Variants in RNF217 observed in about 807,000 individuals in gnomAD.
RNF217 encodes the protein E3 ubiquitin-protein ligase RNF217.
In RNF217, 31 loss-of-function variants were observed where a neutral mutation model predicts 57.8. The ratio of observed to expected loss-of-function variants is 0.54; its 90% CI spans 0.40 to 0.72. The LOEUF is 0.72. Ranked by LOEUF, RNF217 falls within the 30% of genes least tolerant of loss-of-function variation. The pLI, the probability that RNF217 is intolerant of heterozygous loss-of-function variation, is 0.00. For missense variants in RNF217, 696 were observed against 708.3 expected, an observed-to-expected ratio of 0.98 and a Z score of 0.20; for synonymous variants, 313 against 294.0, an observed-to-expected ratio of 1.06 and a Z score of -0.66.
At chr6:125,041,996 G>A (rs909750363) in intron 1 of RNF217, among the ~76,000 whole-genome samples, 2 of 151,956 alleles carry the variant, frequency 1.3e-5, no homozygotes, top group African/African-American at 4.8e-5. Context: ...AAAATAAAAT[G>A]TGCTTTTAAA....
At chr6:125,044,136 T>G (rs1786996643) in intron 1 of RNF217, among the ~76,000 whole-genome samples, 1 of 152,034 alleles carries the variant, frequency 6.6e-6, no homozygotes, top group South Asian at 2.1e-4. Flanking sequence ...CCTACCTCAG[T>G]CTTCATAGCA....
rs1282299394 is a variant in RNF217 at position 125,090,541 on chromosome 6, C to T, written c.*7604C>T. 1 of 151,556 alleles carries T rather than the reference C, an allele frequency of 6.6e-6. No individual in the cohort carries two copies. The highest frequency in any genetic ancestry group is 1.5e-5 in the Non-Finnish European group (1 of 67,726). The allele number at this position is 151,556 out of a possible 1,614,324, so 9.4% of individuals were successfully genotyped here. ...GTTATTACTGTATATTCAGAAATTA[C>T]AGTTCTAAGGAATTATTGTCATCCT... On this transcript the variant is annotated 3_prime_UTR_variant, in exon 6 of 6. Transcript: ENST00000521654.
intron 1 of RNF217, among the ~76,000 whole-genome samples, chr6:125,024,864 A>C (rs909821390): frequency 3.3e-5 from 5 of 152,172 alleles, no homozygotes; most frequent in African/African-American, 1.2e-4. Flanking sequence ...CTTAGTATAG[A>C]GATCTGGACT....
At chr6:125,033,630 CT>C (rs574967761) in intron 1 of RNF217, among the ~76,000 whole-genome samples, 23 of 148,290 alleles carry the variant, frequency 1.6e-4, no homozygotes, top group African/African-American at 5.8e-4. Context: ...GTCTTTGCTA[CT>C]GTGAATAGTG....
At chr6:125,043,123 C>T (rs1446317021) in intron 1 of RNF217, among the ~76,000 whole-genome samples, 1 of 152,080 alleles carries the variant, frequency 6.6e-6, no homozygotes, top group Non-Finnish European at 1.5e-5. Context: ...CTCATCTTTC[C>T]TTACTCACAC....
intron 1 of RNF217, among the ~76,000 whole-genome samples, chr6:125,039,027 C>T (rs1316984952): frequency 2.0e-5 from 3 of 152,074 alleles, no homozygotes; most frequent in Non-Finnish European, 1.5e-5. Context: ...GTGTTGTTCC[C>T]GCCTGCCCCC....
intron 1 of RNF217, among the ~76,000 whole-genome samples, chr6:125,034,227 T>A (rs1367068933): frequency 2.0e-5 from 3 of 152,350 alleles, no homozygotes; most frequent in East Asian, 3.9e-4. Flanking sequence ...ATTTTTTCTT[T>A]TGTTGCCATT....
At chr6:125,034,095 G>A (rs1192560117) in intron 1 of RNF217, among the ~76,000 whole-genome samples, 2 of 151,772 alleles carry the variant, frequency 1.3e-5, no homozygotes, top group African/African-American at 4.8e-5. Context: ...CTGGATATTA[G>A]CCCTTTGTCA....
chr6:124,980,390 A>G (rs1055308356), intron 1 of RNF217, among the ~76,000 whole-genome samples: 1 of 152,226 alleles, frequency 6.6e-6, no homozygotes, highest in African/African-American at 2.4e-5. Flanking sequence ...CCCTTCCCAG[A>G]AATAACAAAG....
chr6:125,077,019 T>A (rs1041397524), intron 4 of RNF217, among the ~76,000 whole-genome samples, 161 bp downstream of exon 4: 21 of 152,152 alleles, frequency 1.4e-4, no homozygotes, highest in Non-Finnish European at 2.2e-4. Context: ...AAAACTTAAA[T>A]TTTGTTACCA....
intron 1 of RNF217, among the ~76,000 whole-genome samples, chr6:125,021,642 C>G (rs890362287): frequency 2.0e-5 from 3 of 152,122 alleles, no homozygotes; most frequent in Non-Finnish European, 2.9e-5. Context: ...TAAATATATT[C>G]TACAAGGACT....
At chr6:124,973,544 A>G (rs1395611284) in intron 1 of RNF217, among the ~76,000 whole-genome samples, 2 of 152,204 alleles carry the variant, frequency 1.3e-5, no homozygotes, top group South Asian at 2.1e-4. Context: ...TAAAGCCTGA[A>G]TGAATGATTG....
chr6:125,071,482 ATATGTGTG>A (rs1250324820), intron 3 of RNF217, among the ~76,000 whole-genome samples: 2,372 of 122,358 alleles, frequency 0.019, 78 homozygotes, highest in African/African-American at 0.066. Context: ...ATCTGCCTAC[ATATGTGTG>A]TGTGTGTGTG....
chr6:125,071,242 T>C (rs1213251723), intron 3 of RNF217, among the ~76,000 whole-genome samples: 1 of 152,176 alleles, frequency 6.6e-6, no homozygotes, highest in African/African-American at 2.4e-5. Flanking sequence ...ATGCGTTTGG[T>C]AGAAACCATA....
chr6:125,022,029 GCA>G (rs1309577292), intron 1 of RNF217, among the ~76,000 whole-genome samples: 8 of 152,006 alleles, frequency 5.3e-5, no homozygotes, highest in Admixed American at 2.6e-4. Context: ...TCACAAGCAT[GCA>G]CCACCACACC....
chr6:124,999,132 T>TATTA (rs1478005969), intron 1 of RNF217, among the ~76,000 whole-genome samples: 2 of 152,248 alleles, frequency 1.3e-5, no homozygotes, highest in African/African-American at 4.8e-5. Flanking sequence ...ACATACTGTG[T>TATTA]ATTATACTGA....
chr6:125,018,873 A>G (rs1785712805), intron 1 of RNF217, among the ~76,000 whole-genome samples: 1 of 152,130 alleles, frequency 6.6e-6, no homozygotes, highest in Non-Finnish European at 1.5e-5. Flanking sequence ...CCATACTGAA[A>G]GTAGGGAATC....
At chr6:125,029,102 G>A (rs1786235250) in intron 1 of RNF217, among the ~76,000 whole-genome samples, 1 of 152,076 alleles carries the variant, frequency 6.6e-6, no homozygotes, top group Non-Finnish European at 1.5e-5. Flanking sequence ...ATTTAAAACT[G>A]AATATTCCAA....
chr6:125,065,894 A>G (rs142117085), intron 3 of RNF217, among the ~76,000 whole-genome samples: 2 of 152,188 alleles, frequency 1.3e-5, no homozygotes, highest in African/African-American at 2.4e-5. Context: ...TAGCTACTCA[A>G]CATCTTCAAC....
Sources: allele counts gnomAD v4.1 joint callset (sites outside exome capture counted in the v4.1 genomes callset), GRCh38; gene constraint gnomAD v4.1.1; transcripts MANE v1.5; gene names NCBI Gene and HGNC (gene_info 2026-07-23, HGNC 2026-07-21).